Variants in GDAP1L1 observed in about 807,000 individuals in gnomAD.
GDAP1L1 encodes the protein ganglioside-induced differentiation-associated protein 1-like 1.
A neutral mutation model predicts 37.1 loss-of-function variants in GDAP1L1; 21 were observed. The ratio of observed to expected loss-of-function variants is 0.57; its 90% CI spans 0.40 to 0.81. The LOEUF is 0.81. GDAP1L1 is among the 40% of genes least tolerant of loss of function. The pLI is 0.00. For synonymous variants in GDAP1L1, 193 were observed against 209.1 expected (o/e 0.92, Z 0.67); for missense variants, 362 against 491.6 (o/e 0.74, Z 2.49).
At chr20:44,259,213 C>T (rs1417739676) in intron 3 of GDAP1L1, among the ~76,000 whole-genome samples, 1 of 152,210 alleles carries the variant, frequency 6.6e-6, no homozygotes, top group African/African-American at 2.4e-5. Context: ...CCTACTTCAT[C>T]CTTTTGTATC....
At chr20:44,271,060 C>T (rs571130938) in intron 5 of GDAP1L1, among the ~76,000 whole-genome samples, 1 of 152,052 alleles carries the variant, frequency 6.6e-6, no homozygotes, top group East Asian at 1.9e-4. Context: ...CCCAGGAGTT[C>T]GAGACCAGTC....
intron 5 of GDAP1L1, among the ~76,000 whole-genome samples, chr20:44,276,180 AAAAT>A (rs2062571119): frequency 1.5e-5 from 2 of 136,380 alleles, no homozygotes; most frequent in South Asian, 5.1e-4. Context: ...AAAAAAAAAA[AAAAT>A]AATAGCCAGG....
intron 5 of GDAP1L1, among the ~76,000 whole-genome samples, chr20:44,271,817 C>G (rs943436566): frequency 6.6e-6 from 1 of 152,108 alleles, no homozygotes; most frequent in East Asian, 1.9e-4. Context: ...CCGTAGAAAA[C>G]AGAGGACATC....
chr20:44,274,625 C>T (rs4812811), intron 5 of GDAP1L1, among the ~76,000 whole-genome samples: 7,286 of 152,184 alleles, frequency 0.048, 722 homozygotes, highest in East Asian at 0.31. Flanking sequence ...GGACACCACA[C>T]TCTCCTGGTT....
chr20:44,249,841 C>A (rs1216710842), intron 1 of GDAP1L1, among the ~76,000 whole-genome samples: 1 of 152,220 alleles, frequency 6.6e-6, no homozygotes, highest in African/African-American at 2.4e-5. Flanking sequence ...GTCATATAGT[C>A]CTGGGTTCTA....
At chr20:44,272,398 G>C (rs1295079278) in intron 5 of GDAP1L1, among the ~76,000 whole-genome samples, 1 of 152,172 alleles carries the variant, frequency 6.6e-6, no homozygotes, top group Non-Finnish European at 1.5e-5. Flanking sequence ...CTGAGAGGGA[G>C]CTGGGGAAAG....
At chr20:44,271,680 T>C (rs1419632130) in intron 5 of GDAP1L1, among the ~76,000 whole-genome samples, 1 of 152,074 alleles carries the variant, frequency 6.6e-6, no homozygotes, top group Non-Finnish European at 1.5e-5. Context: ...GAATTGTTTT[T>C]GGACAGGAGA....
chr20:44,264,717 T>G (rs2073734599), intron 5 of GDAP1L1, 158 bp downstream of exon 5: 1 of 1,434,202 alleles, frequency 7.0e-7, no homozygotes, highest in African/African-American at 1.4e-5. Context: ...AGTCATAACT[T>G]GGCCACTTCC....
At chr20:44,273,585 A>G (rs926815791) in intron 5 of GDAP1L1, among the ~76,000 whole-genome samples, 1 of 152,028 alleles carries the variant, frequency 6.6e-6, no homozygotes, top group African/African-American at 2.4e-5. Context: ...AAAACCTCAA[A>G]CCTTGTTGAA....
rs1004501506 is a variant in GDAP1L1, at chr20:44,263,283, C to A, written c.601C>A (p.Pro201Thr). The A allele has an allele frequency of 6.2e-7, 1 of 1,614,086 alleles. No homozygotes were observed. Among genetic ancestry groups the A allele is most frequent in the Admixed American group, 1.7e-5 (1 of 60,016 alleles). Residue 201 changes from proline to threonine, a missense_variant, in exon 4 of 6, where the codon CCC becomes ACC. Pro to Thr is a conservative substitution (Grantham distance 38). This residue lies in a region of GDAP1L1 where 277 missense variants were observed against 337.1 expected (regional missense o/e 0.82). Coordinates refer to ENST00000342560, the MANE Select transcript of GDAP1L1 (RefSeq NM_024034.6). ...CATGAAACTGGACCATGAAGAGGAG[C>A]CCCAGCTCTCCGAGCCCTACCTTTC... ...DLMKLDHEEE[P>T]QLSEPYLSKQ...
intron 1 of GDAP1L1, among the ~76,000 whole-genome samples, chr20:44,253,494 A>T (rs948113789): frequency 6.6e-6 from 1 of 152,258 alleles, no homozygotes; most frequent in African/African-American, 2.4e-5. Flanking sequence ...CTAGGCAGAG[A>T]CAACAACCCA....
At chr20:44,255,866 CTTCT>C (rs1361090712) in intron 1 of GDAP1L1, among the ~76,000 whole-genome samples, 1 of 152,158 alleles carries the variant, frequency 6.6e-6, no homozygotes, top group Non-Finnish European at 1.5e-5. Context: ...CCCATCCTTC[CTTCT>C]GAGTCTCAGT....
intron 5 of GDAP1L1, among the ~76,000 whole-genome samples, chr20:44,278,401 G>A (rs1013287029): frequency 6.6e-6 from 1 of 152,014 alleles, no homozygotes; most frequent in Non-Finnish European, 1.5e-5. Context: ...ATTTATTTGA[G>A]ACAGAGTCTC....
intron 1 of GDAP1L1, among the ~76,000 whole-genome samples, chr20:44,248,303 A>G (rs998554759): frequency 2.0e-5 from 3 of 152,162 alleles, no homozygotes; most frequent in Non-Finnish European, 4.4e-5. Flanking sequence ...TAGGGGCGCA[A>G]TCTCCCACCC....
chr20:44,263,246 C>T lies in GDAP1L1; in HGVS notation c.564C>T (p.Ala188=). ...TCTCCCCAGGACATTTAGCCAATGC[C>T]ACCACGGACCTCATGAAACTGGACC... is the stretch of plus-strand genomic sequence containing the variant. ...TAEIRRHLAN[A]TTDLMKLDHE... The change falls in exon 4 of 6, where the codon GCC becomes GCT. Residue 188 remains alanine (A), a synonymous_variant. Coordinates refer to ENST00000342560, the MANE Select transcript of GDAP1L1 (RefSeq NM_024034.6). 3 of 1,614,040 alleles carry T rather than the reference C, an allele frequency of 1.9e-6. No homozygotes were observed. Among genetic ancestry groups the T allele is most frequent in the Non-Finnish European group, 2.5e-6 (3 of 1,179,934 alleles).
At chr20:44,264,600 C>A in intron 5 of GDAP1L1, 41 bp downstream of exon 5, 1 of 1,595,034 alleles carries the variant, frequency 6.3e-7, no homozygotes, top group Non-Finnish European at 8.5e-7. Flanking sequence ...TGCAGCCCAC[C>A]CAGCCTACTC....
At chr20:44,253,792 T>A (rs1452772957) in intron 1 of GDAP1L1, among the ~76,000 whole-genome samples, 1 of 152,162 alleles carries the variant, frequency 6.6e-6, no homozygotes, top group African/African-American at 2.4e-5. Context: ...CAGCTAAAGG[T>A]GAAAGTCTCC....
At chr20:44,261,891 C>A (rs2073680320) in intron 3 of GDAP1L1, among the ~76,000 whole-genome samples, 1 of 152,130 alleles carries the variant, frequency 6.6e-6, no homozygotes, top group Admixed American at 6.5e-5. Context: ...GAGGATAAGG[C>A]TATTTTAGGA....
intron 4 of GDAP1L1, among the ~76,000 whole-genome samples, chr20:44,264,025 A>G (rs760960845): frequency 1.3e-5 from 2 of 152,156 alleles, no homozygotes; most frequent in African/African-American, 2.4e-5. Context: ...CTGGAGCACA[A>G]ATGGCACCAC....
Sources: allele counts gnomAD v4.1 joint callset (sites outside exome capture counted in the v4.1 genomes callset), GRCh38; gene constraint gnomAD v4.1.1; regional missense constraint gnomAD v4.1.1; transcripts MANE v1.5; gene names NCBI Gene and HGNC (gene_info 2026-07-23, HGNC 2026-07-21).